Variants in HMGCLL1 observed in about 807,000 individuals in gnomAD.
HMGCLL1 encodes 3-hydroxy-3-methylglutaryl-CoA lyase like 1.
HMGCLL1 carries 36 observed loss-of-function variants against 39.1 expected under a neutral mutation model. That is an observed-to-expected ratio of 0.92 (90% CI 0.71 to 1.22). HMGCLL1 has a LOEUF of 1.22. Among genes scored for constraint, HMGCLL1 ranks in the 50% most tolerant of loss-of-function variants. The pLI is 0.00. For missense variants in HMGCLL1, 451 were observed against 416.5 expected (o/e 1.08, Z -0.72); for synonymous variants, 149 against 144.0 (o/e 1.03, Z -0.25).
chr6:55,637,537 G>A, the HMGCLL1 span, among the ~76,000 whole-genome samples: 4 of 151,954 alleles, frequency 2.6e-5, no homozygotes, highest in Non-Finnish European at 4.4e-5. Flanking sequence ...GATTTGTTAG[G>A]GCCTGGTGTA....
intron 3 of HMGCLL1, among the ~76,000 whole-genome samples, chr6:55,537,948 A>G (rs141009901): frequency 3.3e-5 from 5 of 152,246 alleles, no homozygotes; most frequent in African/African-American, 1.2e-4. Context: ...CCATGTATCT[A>G]CTTAATGTAA....
At chr6:55,486,272 C>T (rs891161632) in intron 7 of HMGCLL1, among the ~76,000 whole-genome samples, 1 of 151,724 alleles carries the variant, frequency 6.6e-6, no homozygotes, top group South Asian at 2.1e-4. Flanking sequence ...TATTGGAAAA[C>T]AAGCCAATAA....
At chr6:55,640,309 G>T in the HMGCLL1 span, among the ~76,000 whole-genome samples, 1 of 151,954 alleles carries the variant, frequency 6.6e-6, no homozygotes, top group African/African-American at 2.4e-5. Flanking sequence ...ACAAGTAAAT[G>T]AATTTCATTT....
chr6:55,676,448 T>A, the HMGCLL1 span, among the ~76,000 whole-genome samples: 1 of 152,174 alleles, frequency 6.6e-6, no homozygotes, highest in African/African-American at 2.4e-5. Flanking sequence ...AACCTGTGGA[T>A]GCTAAGTTCA....
intron 5 of HMGCLL1, among the ~76,000 whole-genome samples, chr6:55,502,313 A>G (rs1304414488): frequency 1.3e-5 from 2 of 151,638 alleles, no homozygotes; most frequent in Non-Finnish European, 2.9e-5. Context: ...ATCTGTTTCT[A>G]TCTTATCTGC....
the HMGCLL1 span, among the ~76,000 whole-genome samples, chr6:55,600,521 T>C: frequency 6.6e-6 from 1 of 152,146 alleles, no homozygotes; most frequent in Non-Finnish European, 1.5e-5. Context: ...TTAATTCTTA[T>C]ATATGGATGC....
At chr6:55,460,776 T>C (rs771136856) in intron 7 of HMGCLL1, among the ~76,000 whole-genome samples, 1 of 151,972 alleles carries the variant, frequency 6.6e-6, no homozygotes, top group Non-Finnish European at 1.5e-5. Flanking sequence ...TATTATTCTG[T>C]TGTTATTTGA....
At chr6:55,508,282 G>A (rs1390769143) in intron 5 of HMGCLL1, among the ~76,000 whole-genome samples, 1 of 151,730 alleles carries the variant, frequency 6.6e-6, no homozygotes, top group African/African-American at 2.4e-5. Flanking sequence ...AGAGAATCTG[G>A]TTAGATATTT....
the HMGCLL1 span, among the ~76,000 whole-genome samples, chr6:55,612,526 C>A: frequency 6.6e-6 from 1 of 152,154 alleles, no homozygotes; most frequent in African/African-American, 2.4e-5. Flanking sequence ...AAGCTGGAGG[C>A]ATCACACTAC....
chr6:55,453,752 A>G (rs1764202979), intron 7 of HMGCLL1, among the ~76,000 whole-genome samples: 1 of 152,222 alleles, frequency 6.6e-6, no homozygotes, highest in Non-Finnish European at 1.5e-5. Context: ...TGACTATTTA[A>G]AATGAAGCAT....
At chr6:55,644,348 G>A in the HMGCLL1 span, among the ~76,000 whole-genome samples, 1 of 151,998 alleles carries the variant, frequency 6.6e-6, no homozygotes, top group Admixed American at 6.6e-5. Context: ...AATGTGGGTT[G>A]TCTTTTCACT....
chr6:55,470,362 G>T (rs1009412484), intron 7 of HMGCLL1, among the ~76,000 whole-genome samples: 11 of 151,734 alleles, frequency 7.2e-5, no homozygotes, highest in Non-Finnish European at 1.5e-4. Flanking sequence ...TACTCTGTTG[G>T]TCTCTTCACT....
chr6:55,550,178 T>G (rs1288569361), intron 1 of HMGCLL1, among the ~76,000 whole-genome samples: 1 of 151,968 alleles, frequency 6.6e-6, no homozygotes, highest in Non-Finnish European at 1.5e-5. Flanking sequence ...CATATCCTAG[T>G]GAAGTTAGGT....
chr6:55,530,081 CGGGGT>C (rs1561939906), intron 3 of HMGCLL1, among the ~76,000 whole-genome samples: 20 of 13,000 alleles, frequency 1.5e-3, no homozygotes, highest in Non-Finnish European at 3.4e-3. Context: ...GGTTGGGGGG[CGGGGT>C]GTGGATGACT....
the HMGCLL1 span, among the ~76,000 whole-genome samples, chr6:55,674,097 G>A: frequency 9.9e-5 from 15 of 152,046 alleles, no homozygotes; most frequent in South Asian, 1.0e-3. Context: ...GTAGCATGTC[G>A]TAATGTTTCT....
intron 1 of HMGCLL1, among the ~76,000 whole-genome samples, chr6:55,543,445 T>TC (rs1769719158): frequency 1.6e-4 from 1 of 6,230 alleles, no homozygotes; most frequent in Non-Finnish European, 5.0e-4. Flanking sequence ...TCATATATGA[T>TC]ATATATGATA....
chr6:55,591,299 C>G, the HMGCLL1 span, among the ~76,000 whole-genome samples: 1 of 151,858 alleles, frequency 6.6e-6, no homozygotes, highest in East Asian at 1.9e-4. Flanking sequence ...AAGTACTATC[C>G]AGGAGAACAT....
intron 5 of HMGCLL1, chr6:55,513,822 C>T (rs1767591474): frequency 2.0e-6 from 1 of 508,188 alleles, no homozygotes; most frequent in African/African-American, 2.0e-5. Context: ...CATGCTAGTT[C>T]CTCTGATTTC....
chr6:55,533,299 T>A (rs987528208), intron 3 of HMGCLL1, among the ~76,000 whole-genome samples: 1 of 151,494 alleles, frequency 6.6e-6, no homozygotes, highest in East Asian at 1.9e-4. Flanking sequence ...GTACTATTAT[T>A]ATATTATTTT....
Sources: gnomAD v4.1 joint callset for allele counts (sites outside exome capture counted in the v4.1 genomes callset) on GRCh38, gnomAD v4.1.1 for gene constraint, MANE v1.5 for transcripts, NCBI Gene and HGNC (gene_info 2026-07-23, HGNC 2026-07-21) for gene names.